BTN2A1: variants seen among roughly 807,000 people sequenced by gnomAD.
BTN2A1 encodes butyrophilin, subfamily 2, member A1.
A neutral mutation model predicts 34.5 loss-of-function variants in BTN2A1; 41 were observed. The ratio of observed to expected loss-of-function variants is 1.19; its 90% CI spans 0.93 to 1.54. The LOEUF (loss-of-function observed/expected upper bound fraction) is 1.54, where lower values mean the gene tolerates loss of function less well. Ranked by LOEUF, BTN2A1 falls within the 40% of genes most tolerant of loss-of-function variation. The pLI is 0.00. For synonymous variants in BTN2A1, 267 were observed against 258.6 expected (o/e 1.03, Z -0.31); for missense variants, 642 against 662.0 (o/e 0.97, Z 0.33).
downstream of BTN2A1, among the ~76,000 whole-genome samples, chr6:26,470,512 A>G (rs552284505): frequency 7.2e-5 from 11 of 152,046 alleles, no homozygotes; most frequent in East Asian, 1.5e-3. Flanking sequence ...TAGACAACTG[A>G]TGGAGCATTA....
At chr6:26,464,956 C>T (rs752439008) in intron 4 of BTN2A1, among the ~76,000 whole-genome samples, 17 of 152,164 alleles carry the variant, frequency 1.1e-4, no homozygotes, top group Admixed American at 2.0e-4. Flanking sequence ...TAGCTTTATT[C>T]ATCCTGGTCC....
At chr6:26,475,401 G>C (rs547671234) in intron 7 of BTN2A1, among the ~76,000 whole-genome samples, 1 of 152,110 alleles carries the variant, frequency 6.6e-6, no homozygotes, top group Non-Finnish European at 1.5e-5. Context: ...AACAGCAAAG[G>C]CTGAATTATT....
chr6:26,466,039 T>A, intron 6 of BTN2A1, 23 bp from the exon 7 acceptor site: 4 of 1,614,224 alleles, frequency 2.5e-6, no homozygotes, highest in Non-Finnish European at 2.5e-6. Context: ...CTCATGACAT[T>A]CGTCTCTGTC....
Position 26,466,412 on chromosome 6 carries a change from G to A in BTN2A1, c.982+324G>A, listed in dbSNP as rs183986517. On this transcript the variant is annotated intron_variant, in intron 7 of 7. Transcript: ENST00000312541. Reference sequence around the variant, plus strand: ...TAGTTGTTGTTCTTTGATCCTGGATGAATTTGAAAAAAGACAATGCTATCT... The same window carrying A: ...TAGTTGTTGTTCTTTGATCCTGGATAAATTTGAAAAAAGACAATGCTATCT... Among the ~76,000 whole-genome samples the A allele has an allele frequency of 4.8e-4, 73 of 152,264 alleles. 2 individuals carry two copies. The East Asian group carries it at 0.014, about 29-fold the overall frequency.
intron 3 of BTN2A1, chr6:26,462,774 C>T (rs1763199619): frequency 7.0e-6 from 9 of 1,278,102 alleles, no homozygotes; most frequent in Middle Eastern, 2.1e-4. Context: ...GGCAGACTTT[C>T]GTCCTTCTCG....
downstream of BTN2A1, among the ~76,000 whole-genome samples, chr6:26,474,029 T>C (rs1763497918): frequency 6.6e-6 from 1 of 152,240 alleles, no homozygotes; most frequent in African/African-American, 2.4e-5. Context: ...TTATTCTGGA[T>C]CAGAGAATCT....
At chr6:26,466,600 C>T (rs1352618437) in intron 7 of BTN2A1, among the ~76,000 whole-genome samples, 1 of 152,144 alleles carries the variant, frequency 6.6e-6, no homozygotes, top group Non-Finnish European at 1.5e-5. Flanking sequence ...TGTGTATAGC[C>T]TGCCGTGGGA....
At position 26,469,002 on chromosome 6, in the gene BTN2A1, T is replaced by C. The variant is rs1763401727; in HGVS notation, c.*453T>C. ...GAGGAGAGGGAACCAGATATGCAGA[T>C]CAGAGATAGAGGAAGTGGAACCAGA... is the stretch of plus-strand genomic sequence containing the variant. On this transcript the variant is annotated 3_prime_UTR_variant, in exon 8 of 8. Coordinates refer to ENST00000312541, the MANE Select transcript of BTN2A1 (RefSeq NM_007049.5). 9.2e-6 allele frequency: 11 copies of C among 1,189,370 alleles called. No homozygotes were observed. In the South Asian group the frequency reaches 1.6e-4, roughly 17 times the overall value. The allele number at this position is 1,189,370 out of a possible 1,614,324, so 73.7% of individuals were successfully genotyped here. A position where few individuals can be genotyped will look rare whatever the true frequency, so the allele number is the denominator to read the frequency against.
chr6:26,461,784 A>AAAAT (rs1325950863), intron 3 of BTN2A1, among the ~76,000 whole-genome samples: 21 of 41,346 alleles, frequency 5.1e-4, no homozygotes, highest in Admixed American at 2.0e-3. Flanking sequence ...CTCTGTCTAA[A>AAAAT]AAATAAATCA....
At position 26,465,533 on chromosome 6, in the gene BTN2A1, TAAAAA is replaced by T. The variant is rs1315632528; in HGVS notation, c.934+134_934+138del. On this transcript the variant is annotated intron_variant, in intron 5 of 7. Coordinates refer to ENST00000312541, the MANE Select transcript of BTN2A1 (RefSeq NM_007049.5). ...GCGATAAAGTGAGACCCTGTTTAAT[TAAAAA>T]AAAAAAGAAAAGAAAAAGAGTAGAA... 1.4e-5 allele frequency: 10 copies of T among 717,674 alleles called. No individual in the cohort carries two copies. In the South Asian group the frequency reaches 1.8e-4, roughly 13 times the overall value. The allele number at this position is 717,674 out of a possible 1,614,324, so 44.5% of individuals were successfully genotyped here. A position where few individuals can be genotyped will look rare whatever the true frequency, so the allele number is the denominator to read the frequency against.
chr6:26,463,927 G>A (rs565122222), intron 4 of BTN2A1, among the ~76,000 whole-genome samples: 1 of 151,962 alleles, frequency 6.6e-6, no homozygotes, highest in South Asian at 2.1e-4. Flanking sequence ...TCAGCCTCCC[G>A]AAGGCTAGGA....
chr6:26,468,524 G>C lies in BTN2A1; in HGVS notation c.1559G>C (p.Arg520Thr). Residue 520 changes from arginine (R) to threonine (T), a missense_variant, in exon 8 of 8, where the codon AGA becomes ACA. By Grantham distance (71) the Arg-to-Thr change is moderately conservative. Transcript: ENST00000312541. ...CCTGAAGAGGGCCTGACACTTCACA[G>C]AGTGGGGACCCACCAGAGCCTATAG... ...TVPEEGLTLHRVGTHQSL is the reference protein window; with the variant it reads ...TVPEEGLTLHTVGTHQSL 11 of 1,614,194 alleles carry C rather than the reference G, an allele frequency of 6.8e-6. No homozygotes were observed. Among genetic ancestry groups the C allele is most frequent in the Non-Finnish European group, 9.3e-6 (11 of 1,180,036 alleles).
chr6:26,463,248 A>G lies in BTN2A1; in HGVS notation c.435A>G (p.Leu145=), dbSNP rs1763213836. ...EAILHLVVAG[L]GSKPLISMRG... The stretch of plus-strand genomic sequence containing the variant: ...AACCCTGATATCTCTCCACAGGACT[A>G]GGCTCTAAGCCCCTCATTTCAATGA... The change falls in exon 4 of 8, where the codon CTA becomes CTG. Residue 145 remains leucine, a synonymous_variant. Transcript: ENST00000312541. The G allele has an allele frequency of 6.3e-7, 1 of 1,595,508 alleles. No individual in the cohort carries two copies. The highest frequency in any genetic ancestry group is 8.5e-7 in the Non-Finnish European group (1 of 1,171,678).
chr6:26,469,030 G>C lies in BTN2A1; in HGVS notation c.*481G>C, dbSNP rs1163694439. 6.0e-5 allele frequency: 71 copies of C among 1,176,266 alleles called. No individual in the cohort carries two copies. Among genetic ancestry groups the C allele is most frequent in the Non-Finnish European group, 6.8e-5 (64 of 936,132 alleles). The allele number at this position is 1,176,266 out of a possible 1,614,324, so 72.9% of individuals were successfully genotyped here. A position where few individuals can be genotyped will look rare whatever the true frequency, so the allele number is the denominator to read the frequency against. On this transcript the variant is annotated 3_prime_UTR_variant, in exon 8 of 8. Transcript: ENST00000312541. ...GAGATAGAGGAAGTGGAACCAGAGA[G>C]CTGGGAGGGACCAAGGTTGTAAGGG... is the stretch of plus-strand genomic sequence containing the variant.
intron 4 of BTN2A1, 127 bp from the exon 5 acceptor site, chr6:26,465,058 C>CT (rs1763271134): frequency 6.4e-6 from 5 of 783,850 alleles, no homozygotes; most frequent in Admixed American, 2.6e-5. Flanking sequence ...CTTTCTCCAT[C>CT]TGAGTTTTCT....
intron 7 of BTN2A1, among the ~76,000 whole-genome samples, chr6:26,474,757 C>CTTTT (rs11445433): frequency 1.1e-4 from 15 of 142,450 alleles, no homozygotes; most frequent in African/African-American, 2.6e-4. Context: ...GCAAAGACTC[C>CTTTT]TTTTTTTTTT....
chr6:26,465,080 CA>C, intron 4 of BTN2A1, 104 bp from the exon 5 acceptor site: 1 of 911,362 alleles, frequency 1.1e-6, no homozygotes, highest in Non-Finnish European at 1.7e-6. Context: ...AGGGAGAAAG[CA>C]GGAGAGCAGG....
intron 3 of BTN2A1, 54 bp from the exon 4 acceptor site, chr6:26,463,190 A>G (rs564618140): frequency 6.6e-7 from 1 of 1,516,836 alleles, no homozygotes; most frequent in Non-Finnish European, 8.8e-7. Flanking sequence ...CAATAGGCAC[A>G]GAAGAGATGC....
chr6:26,465,052 C>G, intron 4 of BTN2A1, 133 bp from the exon 5 acceptor site: 1 of 751,806 alleles, frequency 1.3e-6, no homozygotes, highest in Non-Finnish European at 2.2e-6. Flanking sequence ...GCATCACTTT[C>G]TCCATCTGAG....
Sources: gnomAD v4.1 joint callset for allele counts (sites outside exome capture counted in the v4.1 genomes callset) on GRCh38, gnomAD v4.1.1 for gene constraint, MANE v1.5 for transcripts, NCBI Gene and HGNC (gene_info 2026-07-23, HGNC 2026-07-21) for gene names.